EEA1: variants seen among roughly 807,000 people sequenced by gnomAD.
EEA1 encodes the protein early endosome antigen 1, 162kD.
EEA1 carries 111 observed loss-of-function variants against 209.2 expected under a neutral mutation model. That is an observed-to-expected ratio of 0.53 (90% confidence interval 0.45 to 0.62). The LOEUF (loss-of-function observed/expected upper bound fraction) is 0.62, where lower values mean the gene tolerates loss of function less well. EEA1 is among the 20% of genes least tolerant of loss of function. The pLI is 0.00. For synonymous variants in EEA1, 536 were observed against 540.6 expected, an observed-to-expected ratio of 0.99 and a Z score of 0.12; for missense variants, 1,343 against 1,530.8, an observed-to-expected ratio of 0.88 and a Z score of 2.05.
Position 92,775,930 on chromosome 12 carries a change from T to C in EEA1, c.*81A>G. 2.0e-6 allele frequency: 3 copies of C among 1,468,298 alleles called. No individual in the cohort carries two copies. Among genetic ancestry groups the C allele is most frequent in the Non-Finnish European group, 2.7e-6 (3 of 1,095,314 alleles). The allele number at this position is 1,468,298 out of a possible 1,614,324, so 91.0% of individuals were successfully genotyped here. On this transcript the variant is annotated 3_prime_UTR_variant, in exon 29 of 29. Coordinates refer to ENST00000322349, the MANE Select transcript of EEA1 (RefSeq NM_003566.4). ...TATTGCAACCAGTGTCCAAACCAAA[T>C]AGTAGTCCAAGACCTCTATTAAGTA... is the stretch of plus-strand genomic sequence containing the variant.
chr12:92,901,550 T>C (rs191594613), intron 1 of EEA1, among the ~76,000 whole-genome samples: 208 of 151,984 alleles, frequency 1.4e-3, no homozygotes, highest in African/African-American at 4.8e-3. Context: ...TGATTGCTGT[T>C]AAATTATCTA....
chr12:92,874,554 C>T (rs1441984672), intron 2 of EEA1, among the ~76,000 whole-genome samples: 3 of 151,952 alleles, frequency 2.0e-5, no homozygotes, highest in Admixed American at 6.6e-5. Flanking sequence ...TTAGTAGAGA[C>T]GGGGTTTCAC....
rs1016313783 is a variant in EEA1, at chr12:92,879,054, C to T, written c.117+12575G>A. ...AAAACCCAGATACCAAAACCTGATA[C>T]AAACATTTCAAAAAAGAAAATTACA... On this transcript the variant is annotated intron_variant, in intron 2 of 28. Transcript: ENST00000322349. Among the ~76,000 whole-genome samples, 4 of 152,226 alleles carry T rather than the reference C, an allele frequency of 2.6e-5. No individual in the cohort carries two copies. In the South Asian group the frequency reaches 6.2e-4, roughly 24 times the overall value.
intron 2 of EEA1, among the ~76,000 whole-genome samples, chr12:92,877,066 C>T (rs1268743253): frequency 6.6e-6 from 1 of 151,122 alleles, no homozygotes; most frequent in African/African-American, 2.4e-5. Flanking sequence ...GCCTCAGCCT[C>T]CCGAGTAGCT....
chr12:92,854,085 A>C, intron 5 of EEA1, 131 bp from the exon 6 acceptor site: 1 of 637,556 alleles, frequency 1.6e-6, no homozygotes, highest in Non-Finnish European at 2.5e-6. Context: ...TGAAAATTTA[A>C]ATTTGGTGGT....
intron 9 of EEA1, among the ~76,000 whole-genome samples, chr12:92,847,440 T>C (rs974256668): frequency 6.6e-6 from 1 of 152,160 alleles, no homozygotes; most frequent in Non-Finnish European, 1.5e-5. Flanking sequence ...AAACGTCATA[T>C]ATTCAGATTA....
At chr12:92,825,292 A>G (rs1306288444) in intron 13 of EEA1, among the ~76,000 whole-genome samples, 2 of 151,996 alleles carry the variant, frequency 1.3e-5, no homozygotes, top group Non-Finnish European at 2.9e-5. Flanking sequence ...TCTACTAAAA[A>G]CACAAAAAAT....
chr12:92,887,447 T>TCAGCCTA (rs1401984848), intron 2 of EEA1, among the ~76,000 whole-genome samples: 1 of 152,006 alleles, frequency 6.6e-6, no homozygotes, highest in East Asian at 1.9e-4. Context: ...GAGTTCAAGA[T>TCAGCCTA]CAGCCTAAGC....
At chr12:92,860,900 A>G (rs1356957815) in intron 3 of EEA1, among the ~76,000 whole-genome samples, 1 of 140,652 alleles carries the variant, frequency 7.1e-6, no homozygotes, top group African/African-American at 2.6e-5. Context: ...AAAAAAGAAG[A>G]CAAAGAAGAA....
rs1873846528 is a variant in EEA1, at chr12:92,780,223, A to G, written c.3468+57T>C. 4 of 1,520,098 alleles carry G rather than the reference A, an allele frequency of 2.6e-6. No homozygotes were observed. In the African/African-American group the frequency reaches 4.3e-5, roughly 16 times the overall value. The allele number at this position is 1,520,098 out of a possible 1,614,324, so 94.2% of individuals were successfully genotyped here. A position where few individuals can be genotyped will look rare whatever the true frequency, so the allele number is the denominator to read the frequency against. ...TAAATAAATATGTATGGGTATATAT[A>G]TTTCTTTAAAGAGCAATATAACACA... On this transcript the variant is annotated intron_variant, in intron 24 of 28. Transcript: ENST00000322349.
At chr12:92,880,945 C>T (rs759732732) in intron 2 of EEA1, among the ~76,000 whole-genome samples, 2 of 152,114 alleles carry the variant, frequency 1.3e-5, no homozygotes, top group Non-Finnish European at 2.9e-5. Context: ...TCTCAGGAGA[C>T]AAGGAATGAC....
chr12:92,825,929 A>G (rs959111406), intron 13 of EEA1, among the ~76,000 whole-genome samples: 1 of 150,530 alleles, frequency 6.6e-6, no homozygotes, highest in African/African-American at 2.4e-5. Flanking sequence ...TTTATAATAA[A>G]TATTTTACAT....
At chr12:92,843,639 T>C (rs1412329944) in intron 9 of EEA1, among the ~76,000 whole-genome samples, 1 of 152,098 alleles carries the variant, frequency 6.6e-6, no homozygotes, top group Non-Finnish European at 1.5e-5. Flanking sequence ...CTGCTGCAAA[T>C]GACATTGACA....
At chr12:92,910,655 T>C (rs1880548287) in intron 1 of EEA1, among the ~76,000 whole-genome samples, 1 of 152,122 alleles carries the variant, frequency 6.6e-6, no homozygotes, top group Non-Finnish European at 1.5e-5. Flanking sequence ...AAATTTAAAA[T>C]GTCAGCTCTT....
At chr12:92,896,702 G>C (rs998236300) in intron 1 of EEA1, among the ~76,000 whole-genome samples, 2 of 151,740 alleles carry the variant, frequency 1.3e-5, no homozygotes, top group Non-Finnish European at 2.9e-5. Context: ...ACTCAGGAGG[G>C]AGGCAGGAGA....
intron 22 of EEA1, among the ~76,000 whole-genome samples, chr12:92,787,523 T>C (rs1874185257): frequency 6.6e-6 from 1 of 152,118 alleles, no homozygotes; most frequent in Non-Finnish European, 1.5e-5. Context: ...CAAGCAATGG[T>C]AAAATTGCTT....
At chr12:92,877,608 A>T (rs567618703) in intron 2 of EEA1, among the ~76,000 whole-genome samples, 1 of 152,064 alleles carries the variant, frequency 6.6e-6, no homozygotes, top group Non-Finnish European at 1.5e-5. Flanking sequence ...GGCTCACTGC[A>T]ACCTCCACCT....
chr12:92,928,364 C>T (rs553273476), intron 1 of EEA1, among the ~76,000 whole-genome samples: 17 of 152,298 alleles, frequency 1.1e-4, no homozygotes, highest in Admixed American at 3.9e-4. Context: ...ATCAAGCTTA[C>T]TGCGGATTTA....
intron 9 of EEA1, among the ~76,000 whole-genome samples, chr12:92,848,040 A>G (rs1877455215): frequency 6.6e-6 from 1 of 151,792 alleles, no homozygotes; most frequent in African/African-American, 2.4e-5. Context: ...TAAATAGGTA[A>G]TAAGTATTAT....
Sources: gnomAD v4.1 joint callset for allele counts (sites outside exome capture counted in the v4.1 genomes callset) on GRCh38, gnomAD v4.1.1 for gene constraint, MANE v1.5 for transcripts, NCBI Gene and HGNC (gene_info 2026-07-23, HGNC 2026-07-21) for gene names.